MAGI2: variants seen among roughly 807,000 people sequenced by gnomAD.
MAGI2 encodes the protein membrane-associated guanylate kinase, WW and PDZ domain-containing protein 2.
A neutral mutation model predicts 133.3 loss-of-function variants in MAGI2; 35 were observed. The observed-to-expected ratio is 0.26, with a 90% CI of 0.20 to 0.35. The LOEUF (loss-of-function observed/expected upper bound fraction) is 0.35, where lower values mean the gene tolerates loss of function less well. Among genes scored for constraint, MAGI2 ranks in the 10% least tolerant of loss-of-function variants. The pLI is 1.00. For missense variants in MAGI2, 1,636 were observed against 1,863.4 expected (o/e 0.88, Z 2.25); for synonymous variants, 729 against 710.6 (o/e 1.03, Z -0.41).
At chr7:78,618,541 A>G (rs1384426480) in intron 3 of MAGI2, 1 of 151,796 alleles carries the variant, frequency 6.6e-6, no homozygotes, top group Non-Finnish European at 1.5e-5. Context: ...TGAAGTCATG[A>G]TTTTTCTTCT....
intron 2 of MAGI2, among the ~76,000 whole-genome samples, chr7:78,682,380 C>T (rs116989988): frequency 8.6e-5 from 13 of 152,042 alleles, no homozygotes; most frequent in Non-Finnish European, 5.9e-5. Flanking sequence ...CCTTGCCCCC[C>T]ACCCACCAGC....
intron 2 of MAGI2, among the ~76,000 whole-genome samples, chr7:78,851,861 T>G (rs983309632): frequency 6.6e-6 from 1 of 152,164 alleles, no homozygotes; most frequent in South Asian, 2.1e-4. Flanking sequence ...TCCTTGCCCA[T>G]GCTTGATGGT....
At chr7:78,137,515 T>C (rs1822279976) in intron 16 of MAGI2, among the ~76,000 whole-genome samples, 1 of 152,220 alleles carries the variant, frequency 6.6e-6, no homozygotes, top group African/African-American at 2.4e-5. Context: ...TGTGTGTAGG[T>C]ACCAACTTGG....
In MAGI2 at chr7:78,194,989, G is replaced by T. The variant is rs1828587669; in HGVS notation, c.2154C>A (p.Pro718=). The T allele has an allele frequency of 3.1e-6, 5 of 1,614,140 alleles. No individual in the cohort carries two copies. Among genetic ancestry groups the T allele is most frequent in the Non-Finnish European group, 4.2e-6 (5 of 1,179,986 alleles). Residue 718 remains proline, a synonymous_variant, in exon 12 of 22, where the codon CCC becomes CCA. Coordinates refer to ENST00000354212, the MANE Select transcript of MAGI2 (RefSeq NM_012301.4). ...AGCTCCTGTGAAGGGCAGGTGGGAA[G>T]GGCAGGTTCTGCGGTATGGCCGGAG... is the stretch of plus-strand genomic sequence containing the variant. ...LSAPAIPQNL[P]FPPALHRSSF...
At chr7:79,241,437 G>A (rs1185906322) in intron 1 of MAGI2, among the ~76,000 whole-genome samples, 10 of 152,258 alleles carry the variant, frequency 6.6e-5, no homozygotes, top group Middle Eastern at 3.4e-3. Flanking sequence ...CTGGGGAAGG[G>A]CCAAGTTAAC....
At chr7:78,781,189 T>C (rs1001996053) in intron 2 of MAGI2, among the ~76,000 whole-genome samples, 1 of 151,772 alleles carries the variant, frequency 6.6e-6, no homozygotes, top group Non-Finnish European at 1.5e-5. Context: ...CCATCTTGAC[T>C]AACACGGTGA....
intron 1 of MAGI2, among the ~76,000 whole-genome samples, chr7:79,136,007 A>G (rs199571152): frequency 3.8e-4 from 44 of 114,586 alleles, no homozygotes; most frequent in African/African-American, 1.7e-3. Context: ...AAGAAAGAGA[A>G]AGAAAGAAAG....
chr7:79,186,238 A>ATATATATT (rs1827125157), intron 1 of MAGI2, among the ~76,000 whole-genome samples: 3 of 87,406 alleles, frequency 3.4e-5, no homozygotes, highest in Non-Finnish European at 5.7e-5. Flanking sequence ...ATATATATAT[A>ATATATATT]TATATTTATA....
At chr7:78,849,508 C>T (rs546311083) in intron 2 of MAGI2, among the ~76,000 whole-genome samples, 19 of 152,036 alleles carry the variant, frequency 1.2e-4, no homozygotes, top group Admixed American at 3.3e-4. Flanking sequence ...AAGCAACACA[C>T]GTTCCTTTTG....
At chr7:78,198,062 C>T (rs1828890592) in intron 11 of MAGI2, among the ~76,000 whole-genome samples, 1 of 152,200 alleles carries the variant, frequency 6.6e-6, no homozygotes, top group South Asian at 2.1e-4. Context: ...CTGATCCTGT[C>T]GCCTTACTGA....
intron 6 of MAGI2, among the ~76,000 whole-genome samples, chr7:78,466,574 A>C (rs1790654767): frequency 6.6e-6 from 1 of 152,190 alleles, no homozygotes; most frequent in Non-Finnish European, 1.5e-5. Flanking sequence ...TGTTAGAAAA[A>C]GCTCTCTACT....
At chr7:78,435,553 C>G (rs1203317700) in intron 6 of MAGI2, among the ~76,000 whole-genome samples, 3 of 152,074 alleles carry the variant, frequency 2.0e-5, no homozygotes, top group Non-Finnish European at 4.4e-5. Context: ...GAAAACAAAA[C>G]ACACACAAGT....
intron 1 of MAGI2, among the ~76,000 whole-genome samples, chr7:79,165,455 G>C (rs1449043303): frequency 2.6e-5 from 4 of 152,054 alleles, no homozygotes; most frequent in Non-Finnish European, 5.9e-5. Context: ...AAATGAGTGA[G>C]TGTGATTCAA....
At chr7:78,593,380 A>T (rs319865) in intron 3 of MAGI2, among the ~76,000 whole-genome samples, 139,777 of 151,870 alleles carry the variant, frequency 0.92, 64,786 homozygotes, top group Non-Finnish European at 0.95. Context: ...CGACAGAGCG[A>T]GACTCCGTCT....
At chr7:79,317,570 C>T (rs867735899) in intron 1 of MAGI2, among the ~76,000 whole-genome samples, 1 of 152,142 alleles carries the variant, frequency 6.6e-6, no homozygotes, top group Non-Finnish European at 1.5e-5. Flanking sequence ...ATCATTTCAA[C>T]ATGTAATCGA....
intron 1 of MAGI2, among the ~76,000 whole-genome samples, chr7:79,382,187 C>T (rs1563171604): frequency 6.6e-6 from 1 of 151,594 alleles, no homozygotes; most frequent in Non-Finnish European, 1.5e-5. Context: ...ACAGGGATCT[C>T]ACTGTCTCTC....
At chr7:78,454,778 G>C (rs1442750238) in intron 6 of MAGI2, among the ~76,000 whole-genome samples, 1 of 152,074 alleles carries the variant, frequency 6.6e-6, no homozygotes, top group African/African-American at 2.4e-5. Context: ...AGTCATAAAA[G>C]TACCTTAAAT....
chr7:78,913,979 A>T (rs906860260), intron 2 of MAGI2, among the ~76,000 whole-genome samples: 63 of 152,316 alleles, frequency 4.1e-4, no homozygotes, highest in Non-Finnish European at 3.7e-4. Flanking sequence ...TCAAGGTGAC[A>T]TGAATGCCTG....
intron 2 of MAGI2, among the ~76,000 whole-genome samples, chr7:78,793,695 T>A (rs1787366226): frequency 2.0e-5 from 3 of 152,308 alleles, no homozygotes; most frequent in Admixed American, 2.0e-4. Context: ...GGAAATAATA[T>A]CTATTTTCTT....
Sources: allele counts gnomAD v4.1 joint callset (sites outside exome capture counted in the v4.1 genomes callset), GRCh38; gene constraint gnomAD v4.1.1; transcripts MANE v1.5; gene names NCBI Gene and HGNC (gene_info 2026-07-23, HGNC 2026-07-21).